Variants in GNB1L observed in about 807,000 individuals in gnomAD.
The protein encoded by GNB1L is guanine nucleotide-binding protein subunit beta-like protein 1.
Under a neutral mutation model 29.1 loss-of-function variants are expected in GNB1L, and 20 were observed. That is an observed-to-expected ratio of 0.69 (90% CI 0.48 to 1.00). The LOEUF (loss-of-function observed/expected upper bound fraction) is 1.00. GNB1L is among the 50% of genes least tolerant of loss of function. The probability of loss-of-function intolerance (pLI) is 0.00; values close to 1 mark genes in which losing one functional copy is unlikely to be tolerated. For missense variants in GNB1L, 421 were observed against 464.9 expected, an observed-to-expected ratio of 0.91 and a Z score of 0.87; for synonymous variants, 193 against 206.5, an observed-to-expected ratio of 0.93 and a Z score of 0.56.
intron 7 of GNB1L, chr22:19,792,734 G>A: frequency 2.6e-6 from 4 of 1,510,214 alleles, no homozygotes; most frequent in South Asian, 1.2e-5. Context: ...CCACCTTGGT[G>A]GAGAACAAGA....
intron 2 of GNB1L, among the ~76,000 whole-genome samples, chr22:19,833,926 G>A (rs1211714975): frequency 6.6e-6 from 1 of 150,504 alleles, no homozygotes; most frequent in African/African-American, 2.4e-5. Context: ...ATAAAAGATT[G>A]AGTAAGTGAA....
chr22:19,833,343 A>G (rs1762780906), intron 2 of GNB1L, among the ~76,000 whole-genome samples: 1 of 152,236 alleles, frequency 6.6e-6, no homozygotes, highest in African/African-American at 2.4e-5. Flanking sequence ...TTAAAAAACC[A>G]AACAAATACG....
intron 2 of GNB1L, among the ~76,000 whole-genome samples, chr22:19,843,996 C>A (rs1937908519): frequency 6.6e-6 from 1 of 152,222 alleles, no homozygotes; most frequent in African/African-American, 2.4e-5. Flanking sequence ...ACTGACCTCA[C>A]CTCACCTGGG....
At chr22:19,792,364 C>T (rs747833721) in intron 7 of GNB1L, 1 of 1,359,420 alleles carries the variant, frequency 7.4e-7, no homozygotes, top group Non-Finnish European at 1.0e-6. Flanking sequence ...AAGCAGGAGG[C>T]TAAGAAAGTG....
At position 19,806,728 on chromosome 22, in the gene GNB1L, C is replaced by T. The variant is rs201065594; in HGVS notation, c.447G>A (p.Thr149=). ...CCTTCGGCTTCAGGGCGCACACTGA[C>T]GTCTTGGAGGGCATCTCCAGAATCT... ...EVQILEMPSK[T]SVCALKPKAD... Residue 149 remains threonine (T), a synonymous_variant, in exon 6 of 8, where the codon ACG becomes ACA. Coordinates refer to ENST00000329517, the MANE Select transcript of GNB1L (RefSeq NM_053004.3). The T allele has an allele frequency of 3.2e-5, 51 of 1,613,366 alleles. No individual in the cohort carries two copies. The highest frequency in any genetic ancestry group is 1.7e-4 in the Admixed American group (10 of 60,008).
chr22:19,850,904 T>G, intron 2 of GNB1L: 11 of 1,362,254 alleles, frequency 8.1e-6, no homozygotes, highest in Non-Finnish European at 1.0e-5. Context: ...CAGGCCTGGG[T>G]GAGACGGCAC....
intron 2 of GNB1L, among the ~76,000 whole-genome samples, chr22:19,823,814 T>G (rs551403861): frequency 2.0e-5 from 3 of 151,874 alleles, no homozygotes; most frequent in Admixed American, 6.5e-5. Context: ...CACACACACA[T>G]GCACACACAC....
At chr22:19,836,732 G>A (rs1440626564) in intron 2 of GNB1L, among the ~76,000 whole-genome samples, 1 of 152,048 alleles carries the variant, frequency 6.6e-6, no homozygotes, top group Non-Finnish European at 1.5e-5. Context: ...GGAGCCAACT[G>A]GCATTTATCT....
At chr22:19,815,588 AT>A (rs201400555) in intron 4 of GNB1L, among the ~76,000 whole-genome samples, 2,963 of 151,696 alleles carry the variant, frequency 0.02, 39 homozygotes, top group South Asian at 0.037. Flanking sequence ...GAACTTTAAC[AT>A]TTTTTTTCTT....
chr22:19,828,298 C>T (rs1937636456), intron 2 of GNB1L, among the ~76,000 whole-genome samples: 1 of 152,060 alleles, frequency 6.6e-6, no homozygotes, highest in African/African-American at 2.4e-5. Flanking sequence ...GAATTCCAGC[C>T]AAAAAGCATT....
intron 7 of GNB1L, among the ~76,000 whole-genome samples, 168 bp downstream of exon 7, chr22:19,801,833 G>A (rs1601324173): frequency 1.3e-5 from 2 of 152,232 alleles, no homozygotes; most frequent in East Asian, 1.9e-4. Flanking sequence ...CAGCGCCCAC[G>A]CCCCCTTCTT....
intron 2 of GNB1L, chr22:19,849,826 G>A: frequency 1.0e-6 from 1 of 985,388 alleles, no homozygotes. Context: ...TGAACTTCTT[G>A]TCCAAGCACC....
chr22:19,851,505 C>A, intron 2 of GNB1L: 1 of 1,614,150 alleles, frequency 6.2e-7, no homozygotes, highest in Non-Finnish European at 8.5e-7. Context: ...TCGAACAGAG[C>A]ACTTCTAGAT....
chr22:19,795,967 C>T (rs1051921269), intron 7 of GNB1L, among the ~76,000 whole-genome samples: 16 of 151,988 alleles, frequency 1.1e-4, no homozygotes, highest in African/African-American at 2.9e-4. Flanking sequence ...CCCAGGGCAA[C>T]GCTCACACAC....
Position 19,812,383 on chromosome 22 carries a change from A to G in GNB1L, c.319T>C (p.Ser107Pro). 2 of 1,613,410 alleles carry G rather than the reference A, an allele frequency of 1.2e-6. No individual in the cohort carries two copies. The highest frequency in any genetic ancestry group is 1.7e-6 in the Non-Finnish European group (2 of 1,179,942). Residue 107 changes from serine (S) to proline (P), a missense_variant, in exon 5 of 8, where the codon TCC (serine) becomes CCC (proline). Ser to Pro is a moderately conservative substitution (Grantham distance 74). Coordinates refer to ENST00000329517, the MANE Select transcript of GNB1L (RefSeq NM_053004.3). ...LAEGRSAVVD[S>P]VCLESVGFCR... ...AAGCCCACACTCTCCAAGCACACGGAGTCCACGACAGCGCTCCTGCCCTCC... is the reference window on the plus strand; with the variant it reads ...AAGCCCACACTCTCCAAGCACACGGGGTCCACGACAGCGCTCCTGCCCTCC...
rs897571845 is a variant in GNB1L, at chr22:19,808,352, A to G, written c.418-1595T>C. On this transcript the variant is annotated intron_variant, in intron 5 of 7. Transcript: ENST00000329517. ...CGAAAGGGGCCCCCGGGGAACAAACAGAGCAACATAATGAAGAGGGCAAAA... is the reference window on the plus strand; with the variant it reads ...CGAAAGGGGCCCCCGGGGAACAAACGGAGCAACATAATGAAGAGGGCAAAA... 7.2e-5 allele frequency among the ~76,000 whole-genome samples: 11 copies of G among 152,236 alleles called. No individual in the cohort carries two copies. The South Asian group carries it at 2.3e-3, about 32-fold the overall frequency.
At chr22:19,806,518 G>A (rs922161041) in intron 6 of GNB1L, 141 bp downstream of exon 6, 21 of 610,090 alleles carry the variant, frequency 3.4e-5, no homozygotes, top group Non-Finnish European at 5.5e-5. Flanking sequence ...TGGGGACACT[G>A]AGGCAGCTGC....
rs969131744 is a variant in GNB1L at position 19,783,571 on chromosome 22, AAAC to A, written c.*5135_*5137del. On this transcript the variant is annotated 3_prime_UTR_variant, in exon 8 of 8. Transcript: ENST00000329517. ...ACTGTCCCTGGTCTCTTAAAAGAAA[AAAC>A]AAACAAACAAACCAAAAAACAAAAC... 4 of 111,594 alleles carry A rather than the reference AAAC, an allele frequency of 3.6e-5. No homozygotes were observed. The highest frequency in any genetic ancestry group is 1.4e-4 in the African/African-American group (4 of 28,518). The allele number at this position is 111,594 out of a possible 1,614,324, so 6.9% of individuals were successfully genotyped here.
chr22:19,820,513 C>A (rs1937569402), intron 4 of GNB1L, 85 bp downstream of exon 4: 2 of 1,435,306 alleles, frequency 1.4e-6, no homozygotes, highest in East Asian at 4.6e-5. Flanking sequence ...CATTCTGCCC[C>A]TCAGTGGGGG....
Sources: allele counts gnomAD v4.1 joint callset (sites outside exome capture counted in the v4.1 genomes callset), GRCh38; gene constraint gnomAD v4.1.1; transcripts MANE v1.5; gene names NCBI Gene and HGNC (gene_info 2026-07-23, HGNC 2026-07-21).